IL15: variants seen among roughly 807,000 people sequenced by gnomAD.
IL15 encodes the protein interleukin-15.
In IL15, 11 loss-of-function variants were observed where a neutral mutation model predicts 19.6. That is an observed-to-expected ratio of 0.56 (90% CI 0.35 to 0.93). IL15 has a LOEUF of 0.93. Ranked by LOEUF, IL15 falls within the 40% of genes least tolerant of loss-of-function variation. The probability of loss-of-function intolerance (pLI) is 0.01; values close to 1 mark genes in which losing one functional copy is unlikely to be tolerated. For synonymous variants in IL15, 58 were observed against 59.6 expected (o/e 0.97, Z 0.12); for missense variants, 197 against 186.5 (o/e 1.06, Z -0.33).
At chr4:141,677,378 A>T (rs1235811052) in intron 2 of IL15, among the ~76,000 whole-genome samples, 2 of 152,178 alleles carry the variant, frequency 1.3e-5, no homozygotes, top group East Asian at 1.9e-4. Flanking sequence ...AGCTTGCTTT[A>T]TTGTAAGAAT....
chr4:141,641,879 T>A (rs1727057218), intron 1 of IL15, among the ~76,000 whole-genome samples: 1 of 151,834 alleles, frequency 6.6e-6, no homozygotes, highest in African/African-American at 2.4e-5. Context: ...TTCGAGCTTC[T>A]AGAAACTTAG....
At chr4:141,706,430 C>T (rs1729516929) in intron 2 of IL15, among the ~76,000 whole-genome samples, 1 of 152,080 alleles carries the variant, frequency 6.6e-6, no homozygotes, top group Non-Finnish European at 1.5e-5. Flanking sequence ...TTTAAACCTT[C>T]ATACTAGAGG....
At chr4:141,647,611 A>G (rs1390998458) in intron 1 of IL15, among the ~76,000 whole-genome samples, 1 of 152,008 alleles carries the variant, frequency 6.6e-6, no homozygotes, top group Non-Finnish European at 1.5e-5. Flanking sequence ...GGAATTGACC[A>G]GCTCCCAGGT....
chr4:141,653,028 G>C (rs902330608), intron 1 of IL15, among the ~76,000 whole-genome samples: 1 of 152,126 alleles, frequency 6.6e-6, no homozygotes, highest in African/African-American at 2.4e-5. Context: ...TATGTCTTCT[G>C]TGGCAGCACT....
At chr4:141,716,541 T>C (rs963248449) in intron 2 of IL15, 6 of 152,422 alleles carry the variant, frequency 3.9e-5, no homozygotes, top group African/African-American at 1.4e-4. Context: ...CACTTTGATT[T>C]CAAAAGATGA....
intron 5 of IL15, among the ~76,000 whole-genome samples, chr4:141,723,496 A>G (rs1313724154): frequency 2.0e-5 from 3 of 152,170 alleles, no homozygotes; most frequent in Non-Finnish European, 2.9e-5. Context: ...TCAAGAAAGC[A>G]TTCTTCTCTA....
At chr4:141,660,965 T>A (rs1197582915) in intron 2 of IL15, among the ~76,000 whole-genome samples, 1 of 152,144 alleles carries the variant, frequency 6.6e-6, no homozygotes, top group Non-Finnish European at 1.5e-5. Context: ...TGATACTGCA[T>A]CCTCACCAGT....
chr4:141,669,202 T>A (rs1728091414), intron 2 of IL15, among the ~76,000 whole-genome samples: 2 of 152,176 alleles, frequency 1.3e-5, no homozygotes, highest in Admixed American at 6.5e-5. Context: ...TGTTAGCTAA[T>A]ACCAAATATT....
At chr4:141,667,058 A>G (rs1728011961) in intron 2 of IL15, among the ~76,000 whole-genome samples, 1 of 152,140 alleles carries the variant, frequency 6.6e-6, no homozygotes, top group Non-Finnish European at 1.5e-5. Flanking sequence ...GTGAAGAAGA[A>G]CTCATCCACG....
chr4:141,667,566 T>TC (rs922990308), intron 2 of IL15, among the ~76,000 whole-genome samples: 1 of 152,186 alleles, frequency 6.6e-6, no homozygotes, highest in Non-Finnish European at 1.5e-5. Flanking sequence ...CCTTTTTTTT[T>TC]CACTCTGTAT....
At chr4:141,706,001 T>C (rs2152183779) in intron 2 of IL15, among the ~76,000 whole-genome samples, 1 of 152,058 alleles carries the variant, frequency 6.6e-6, no homozygotes, top group East Asian at 1.9e-4. Context: ...CTTTTAAAAA[T>C]TCATTCAGCC....
At chr4:141,690,949 T>A (rs1455399654) in intron 2 of IL15, among the ~76,000 whole-genome samples, 1 of 152,226 alleles carries the variant, frequency 6.6e-6, no homozygotes, top group East Asian at 1.9e-4. Context: ...TTAACTTTAA[T>A]CATTCCTTTA....
Position 141,721,397 on chromosome 4 carries a change from T to C in IL15, c.111-527T>C, listed in dbSNP as rs528497137. The C allele has an allele frequency of 1.7e-4, 109 of 628,636 alleles. 2 individuals are homozygous for C. The highest frequency in any genetic ancestry group is 8.0e-4 in the Middle Eastern group (3 of 3,732). The allele number at this position is 628,636 out of a possible 1,614,324, so 38.9% of individuals were successfully genotyped here. A position where few individuals can be genotyped will look rare whatever the true frequency, so the allele number is the denominator to read the frequency against. ...TCAGCCTACACTGGAATGAAGTCTG[T>C]ACTGTTTATGGAGAAAGCTGCTGCA... On this transcript the variant is annotated intron_variant, in intron 4 of 7. Coordinates refer to ENST00000320650, the MANE Select transcript of IL15 (RefSeq NM_000585.5).
intron 1 of IL15, among the ~76,000 whole-genome samples, chr4:141,640,199 A>C (rs1195971701): frequency 6.6e-6 from 1 of 152,186 alleles, no homozygotes; most frequent in Non-Finnish European, 1.5e-5. Flanking sequence ...GTGAATTTGA[A>C]AGTTTCAAAG....
At chr4:141,724,204 A>G (rs1198907415) in intron 5 of IL15, among the ~76,000 whole-genome samples, 3 of 152,144 alleles carry the variant, frequency 2.0e-5, no homozygotes, top group African/African-American at 7.2e-5. Context: ...ATTAAATACT[A>G]TACCTCTATA....
Position 141,732,763 on chromosome 4 carries a change from A to T in IL15, c.404A>T (p.Glu135Val). The T allele has an allele frequency of 6.2e-7, 1 of 1,612,374 alleles. No individual in the cohort carries two copies. ...NGNVTESGCKECEELEEKNIK... is the reference protein window; with the variant it reads ...NGNVTESGCKVCEELEEKNIK... ...AATGTAACAGAATCTGGATGCAAAG[A>T]ATGTGAGGAACTGGAGGAAAAAAAT... Residue 135 changes from glutamate to valine, a missense_variant, in exon 8 of 8, where the codon GAA becomes GTA. Physicochemically the swap from Glu to Val is moderately radical, Grantham distance 121. Coordinates refer to ENST00000320650, the MANE Select transcript of IL15 (RefSeq NM_000585.5).
At chr4:141,655,238 T>C (rs1165555995) in intron 1 of IL15, among the ~76,000 whole-genome samples, 1 of 151,944 alleles carries the variant, frequency 6.6e-6, no homozygotes, top group Admixed American at 6.6e-5. Context: ...GTGTGCCTGG[T>C]AGAGTTAATG....
intron 2 of IL15, among the ~76,000 whole-genome samples, chr4:141,658,034 C>A (rs75340560): frequency 6.6e-6 from 1 of 152,122 alleles, no homozygotes; most frequent in Non-Finnish European, 1.5e-5. Flanking sequence ...GACATTATGA[C>A]GTCGATGTGG....
At chr4:141,731,199 G>T (rs1025252850) in intron 7 of IL15, among the ~76,000 whole-genome samples, 1 of 152,088 alleles carries the variant, frequency 6.6e-6, no homozygotes, top group Admixed American at 6.6e-5. Context: ...CCTTCTCAGT[G>T]ATTTACCTAT....
Sources: gnomAD v4.1 joint callset for allele counts (sites outside exome capture counted in the v4.1 genomes callset) on GRCh38, gnomAD v4.1.1 for gene constraint, MANE v1.5 for transcripts, NCBI Gene and HGNC (gene_info 2026-07-23, HGNC 2026-07-21) for gene names.